PRDM16: variants seen among roughly 807,000 people sequenced by gnomAD.
PRDM16 encodes PR/SET domain 16.
In PRDM16, 23 loss-of-function variants were observed where a neutral mutation model predicts 110.6. That is an observed-to-expected ratio of 0.21 (90% CI 0.15 to 0.29). The LOEUF (loss-of-function observed/expected upper bound fraction) is 0.29, where lower values mean the gene tolerates loss of function less well. Ranked by LOEUF, PRDM16 falls within the 10% of genes least tolerant of loss-of-function variation. The pLI is 1.00. For missense variants in PRDM16, 1,615 were observed against 1,794.3 expected (o/e 0.90, Z 1.81); for synonymous variants, 799 against 781.8 (o/e 1.02, Z -0.37).
intron 3 of PRDM16, among the ~76,000 whole-genome samples, chr1:3,256,857 AAAAT>A (rs932975887): frequency 1.1e-4 from 10 of 91,472 alleles, no homozygotes; most frequent in South Asian, 3.4e-4. Flanking sequence ...ACTCCATCTC[AAAAT>A]AAATAAATAA....
intron 1 of PRDM16, among the ~76,000 whole-genome samples, chr1:3,181,664 AC>A: frequency 8.8e-6 from 1 of 113,882 alleles, no homozygotes; most frequent in Non-Finnish European, 1.8e-5. Context: ...ACGGTCTTAC[AC>A]AGTCTTACAC....
At chr1:3,318,686 T>C (rs1641670905) in intron 3 of PRDM16, among the ~76,000 whole-genome samples, 1 of 152,174 alleles carries the variant, frequency 6.6e-6, no homozygotes, top group African/African-American at 2.4e-5. Flanking sequence ...CCTCATGACC[T>C]TTGAACTTTC....
chr1:3,144,843 CAG>C (rs549543432), intron 1 of PRDM16, among the ~76,000 whole-genome samples: 1 of 152,284 alleles, frequency 6.6e-6, no homozygotes, highest in East Asian at 1.9e-4. Context: ...CACCTTGGGT[CAG>C]GGGGCCCTTC....
chr1:3,405,370 A>G, intron 7 of PRDM16, 125 bp from the exon 8 acceptor site: 1 of 1,126,310 alleles, frequency 8.9e-7, no homozygotes, highest in Middle Eastern at 3.1e-4. Flanking sequence ...TGCTTGGTGC[A>G]GACTGCAACG....
At chr1:3,377,368 AC>A (rs1484757467) in intron 3 of PRDM16, among the ~76,000 whole-genome samples, 1 of 152,160 alleles carries the variant, frequency 6.6e-6, no homozygotes, top group Non-Finnish European at 1.5e-5. Context: ...CTGCACGCAC[AC>A]CCTGGACGGG....
chr1:3,366,436 C>G (rs1642817530), intron 3 of PRDM16, among the ~76,000 whole-genome samples: 2 of 152,218 alleles, frequency 1.3e-5, no homozygotes, highest in African/African-American at 4.8e-5. Flanking sequence ...CCGGGACACT[C>G]TCTTCCCACC....
At chr1:3,409,282 C>G (rs534187911) in intron 8 of PRDM16, among the ~76,000 whole-genome samples, 1 of 151,926 alleles carries the variant, frequency 6.6e-6, no homozygotes, top group East Asian at 2.0e-4. Context: ...GCCGGCAGGG[C>G]TGAGTGCCTC....
intron 3 of PRDM16, among the ~76,000 whole-genome samples, chr1:3,368,026 G>A (rs1157350163): frequency 6.6e-6 from 1 of 152,168 alleles, no homozygotes; most frequent in African/African-American, 2.4e-5. Context: ...AAGGGTTTGG[G>A]GAACATTCTG....
At chr1:3,207,826 T>TTG (rs1326280780) in intron 2 of PRDM16, 1 of 152,294 alleles carries the variant, frequency 6.6e-6, no homozygotes, top group African/African-American at 2.4e-5. Context: ...ATAGAGTAGC[T>TTG]GTCTCTCACC....
chr1:3,417,492 A>G (rs961623585), intron 10 of PRDM16, among the ~76,000 whole-genome samples: 6 of 152,234 alleles, frequency 3.9e-5, no homozygotes, highest in African/African-American at 7.2e-5. Context: ...CCTGGGTCAG[A>G]TAAGGGGTAA....
intron 1 of PRDM16, among the ~76,000 whole-genome samples, chr1:3,180,180 TTTTGTTTGTTTGCTTG>T (rs1644133737): frequency 6.6e-6 from 1 of 151,732 alleles, no homozygotes; most frequent in South Asian, 2.1e-4. Context: ...TGTTTTTTGT[TTTTGTTTGTTTGCTTG>T]TTTGTTTTAA....
intron 1 of PRDM16, among the ~76,000 whole-genome samples, chr1:3,135,946 C>T (rs939262849): frequency 2.6e-5 from 4 of 151,882 alleles, no homozygotes; most frequent in Admixed American, 6.6e-5. Context: ...GCGGCCTGGG[C>T]GCCCGGCTGG....
At chr1:3,306,281 G>A (rs571477498) in intron 3 of PRDM16, among the ~76,000 whole-genome samples, 1 of 152,336 alleles carries the variant, frequency 6.6e-6, no homozygotes, top group African/African-American at 2.4e-5. Context: ...CAGCATCACT[G>A]CACATAATCA....
intron 1 of PRDM16, among the ~76,000 whole-genome samples, chr1:3,102,909 AG>A (rs1455238610): frequency 6.6e-6 from 1 of 152,212 alleles, no homozygotes; most frequent in Non-Finnish European, 1.5e-5. Context: ...GCCCAACCTC[AG>A]GGTCACCTGA....
rs539859872 is a variant in PRDM16, at chr1:3,435,733, G to A, written c.*1922G>A. 2.3e-3 allele frequency: 539 copies of A among 232,650 alleles called. 2 individuals carry two copies. The highest frequency in any genetic ancestry group is 3.5e-3 in the Non-Finnish European group (410 of 117,738). 14.4% of individuals were successfully genotyped at this position (232,650 alleles called of 1,614,324 possible). A position where few individuals can be genotyped will look rare whatever the true frequency, so the allele number is the denominator to read the frequency against. On this transcript the variant is annotated 3_prime_UTR_variant, in exon 17 of 17. Coordinates refer to ENST00000270722, the MANE Select transcript of PRDM16 (RefSeq NM_022114.4). ...AGGCTGTCCCCAGCGGTGACGGGAGGTGTCCTGGCTGCTCCAGGACAAAAG... is the reference window on the plus strand; with the variant it reads ...AGGCTGTCCCCAGCGGTGACGGGAGATGTCCTGGCTGCTCCAGGACAAAAG...
chr1:3,154,789 G>C (rs991551981), intron 1 of PRDM16, among the ~76,000 whole-genome samples: 3 of 152,204 alleles, frequency 2.0e-5, no homozygotes, highest in Non-Finnish European at 4.4e-5. Context: ...CCCTGGGTCA[G>C]GGGGTAGTGG....
chr1:3,370,250 A>G lies in PRDM16; in HGVS notation c.439-14902A>G, dbSNP rs1254487549. On this transcript the variant is annotated intron_variant, in intron 3 of 16. Coordinates refer to ENST00000270722, the MANE Select transcript of PRDM16 (RefSeq NM_022114.4). The surrounding 1 kb of genome is among the most constrained non-coding windows in gnomAD (Gnocchi z 4.8). ...TTGCAACCATAACACTTTCCAGAGG[A>G]CAATGATCTGGAAAATGTTGCAACT... 1.3e-5 allele frequency among the ~76,000 whole-genome samples: 2 copies of G among 152,194 alleles called. No individual in the cohort carries two copies. The highest frequency in any genetic ancestry group is 2.9e-5 in the Non-Finnish European group (2 of 68,046).
rs554116115 is a variant in PRDM16 at position 3,192,720 on chromosome 1, C to T, written c.387+6246C>T. 1.1e-4 allele frequency among the ~76,000 whole-genome samples: 16 copies of T among 152,204 alleles called. 1 individual carries two copies. The highest frequency in any genetic ancestry group is 1.0e-3 in the South Asian group (5 of 4,820). On this transcript the variant is annotated intron_variant, in intron 2 of 16. Transcript: ENST00000270722. ...CCAGCTCCTGCCCAGGAGGGATTGT[C>T]GAGGCTCCTGGGACTCTGCTTCAGT...
chr1:3,307,278 G>C (rs1050800370), intron 3 of PRDM16: 5 of 152,166 alleles, frequency 3.3e-5, no homozygotes, highest in Non-Finnish European at 5.9e-5. Context: ...GCTGCACCAT[G>C]TCACCTCCCC....
Sources: allele counts gnomAD v4.1 joint callset (sites outside exome capture counted in the v4.1 genomes callset), GRCh38; gene constraint gnomAD v4.1.1; non-coding constraint Gnocchi (gnomAD v3.1); transcripts MANE v1.5; gene names NCBI Gene and HGNC (gene_info 2026-07-23, HGNC 2026-07-21).